The following SLC30A8 variants were observed in gnomAD, a reference collection of about 807,000 sequenced individuals.
The protein encoded by SLC30A8 is solute carrier family 30 member 8.
Under a neutral mutation model 36.9 loss-of-function variants are expected in SLC30A8, and 27 were observed. The observed-to-expected ratio is 0.73, with a 90% CI of 0.54 to 1.01. The LOEUF (loss-of-function observed/expected upper bound fraction) is 1.01, where lower values mean the gene tolerates loss of function less well. Among genes scored for constraint, SLC30A8 ranks in the 50% least tolerant of loss-of-function variants. The pLI is 0.00. For missense variants in SLC30A8, 439 were observed against 452.0 expected (o/e 0.97, Z 0.26); for synonymous variants, 164 against 172.4 (o/e 0.95, Z 0.38).
chr8:116,995,984 C>G (rs987486857), intron 1 of SLC30A8, among the ~76,000 whole-genome samples: 8 of 152,166 alleles, frequency 5.3e-5, no homozygotes, highest in African/African-American at 1.9e-4. Flanking sequence ...GTAAAATCCC[C>G]GGTAAGCCTT....
chr8:116,955,288 G>T (rs556113731), intron 1 of SLC30A8, among the ~76,000 whole-genome samples: 17 of 152,290 alleles, frequency 1.1e-4, no homozygotes, highest in Admixed American at 2.6e-4. Flanking sequence ...CCCTAAATCT[G>T]ATGACTAGTG....
chr8:117,045,350 A>G (rs2130763473), intron 2 of SLC30A8, among the ~76,000 whole-genome samples: 1 of 152,292 alleles, frequency 6.6e-6, no homozygotes, highest in East Asian at 1.9e-4. Context: ...CGTACTTGAA[A>G]GGTTTTTTAT....
intron 2 of SLC30A8, among the ~76,000 whole-genome samples, chr8:117,041,088 A>G (rs1349522945): frequency 2.6e-5 from 4 of 152,202 alleles, no homozygotes; most frequent in African/African-American, 9.7e-5. Flanking sequence ...CGCGGTGCCA[A>G]ACCAAACAGT....
At chr8:117,017,506 G>T (rs1325956220) in intron 1 of SLC30A8, among the ~76,000 whole-genome samples, 2 of 152,186 alleles carry the variant, frequency 1.3e-5, no homozygotes, top group Non-Finnish European at 2.9e-5. Flanking sequence ...CATAGTTTTT[G>T]GCCCAATAGA....
chr8:117,053,017 C>T (rs1323078343), intron 2 of SLC30A8, among the ~76,000 whole-genome samples: 1 of 151,812 alleles, frequency 6.6e-6, no homozygotes, highest in Non-Finnish European at 1.5e-5. Flanking sequence ...AACGATTCTT[C>T]TGCCTCAGGC....
At chr8:117,118,397 A>G (rs1820545843) in intron 2 of SLC30A8, among the ~76,000 whole-genome samples, 1 of 151,960 alleles carries the variant, frequency 6.6e-6, no homozygotes, top group South Asian at 2.1e-4. Flanking sequence ...AACTCTATAA[A>G]GAGATTTGAT....
chr8:116,956,596 A>G (rs1330430663), intron 1 of SLC30A8, among the ~76,000 whole-genome samples: 1 of 152,228 alleles, frequency 6.6e-6, no homozygotes, highest in Non-Finnish European at 1.5e-5. Flanking sequence ...GTATATCTAT[A>G]TAATAGAAAT....
At chr8:117,018,575 T>C (rs985333477) in intron 1 of SLC30A8, among the ~76,000 whole-genome samples, 3 of 152,028 alleles carry the variant, frequency 2.0e-5, no homozygotes, top group East Asian at 3.9e-4. Context: ...GTTGGATAGC[T>C]ACACTGTGTT....
chr8:117,076,306 T>G lies in SLC30A8; in HGVS notation c.-226+37048T>G, dbSNP rs1818485721. ...TAAATGTCTAAAGAGGAGAAGTCTATTTTTCTGTATTTACTGAAATTGAAG... is the reference window on the plus strand; with the variant it reads ...TAAATGTCTAAAGAGGAGAAGTCTAGTTTTCTGTATTTACTGAAATTGAAG... On this transcript the variant is annotated intron_variant, in intron 2 of 10. Transcript: ENST00000427715. Among the ~76,000 whole-genome samples the G allele has an allele frequency of 2.0e-5, 3 of 152,332 alleles. No individual in the cohort carries two copies. The South Asian group carries it at 6.2e-4, about 32-fold the overall frequency.
rs776072348 is a variant in SLC30A8 at position 117,172,553 on chromosome 8, C to A, written c.982C>A (p.Gln328Lys). 1.9e-6 allele frequency: 3 copies of A among 1,613,538 alleles called. No homozygotes were observed. Among genetic ancestry groups the A allele is most frequent in the Non-Finnish European group, 2.5e-6 (3 of 1,179,692 alleles). The change falls in exon 8 of 8, where the codon CAA (glutamine) becomes AAA (lysine). Residue 328 changes from glutamine (Q) to lysine (K), a missense_variant. Physicochemically the swap from Gln to Lys is moderately conservative, Grantham distance 53. Transcript: ENST00000456015. ...HVATAASRDS[Q>K]VVRREIAKAL... Reference sequence around the variant, plus strand: ...ATCAACAGCAGCCAGCCGGGACAGCCAAGTGGTTCGGAGAGAAATTGCTAA... The same window carrying A: ...ATCAACAGCAGCCAGCCGGGACAGCAAAGTGGTTCGGAGAGAAATTGCTAA...
chr8:117,082,327 A>G (rs893720122), intron 2 of SLC30A8, among the ~76,000 whole-genome samples: 1 of 152,226 alleles, frequency 6.6e-6, no homozygotes, highest in Non-Finnish European at 1.5e-5. Flanking sequence ...ATGTGTATAT[A>G]CAGAGACAGC....
intron 1 of SLC30A8, among the ~76,000 whole-genome samples, chr8:116,965,815 C>G (rs1373185177): frequency 6.6e-6 from 1 of 151,972 alleles, no homozygotes; most frequent in African/African-American, 2.4e-5. Context: ...TGACATTAAC[C>G]TGTTTTTTTG....
chr8:117,123,636 T>G (rs111814684), intron 2 of SLC30A8, among the ~76,000 whole-genome samples: 350 of 152,176 alleles, frequency 2.3e-3, no homozygotes, highest in African/African-American at 8.2e-3. Flanking sequence ...TTTTAACAGC[T>G]TTTATGAGGT....
intron 2 of SLC30A8, among the ~76,000 whole-genome samples, chr8:117,066,788 C>T (rs913461471): frequency 6.6e-6 from 1 of 152,052 alleles, no homozygotes; most frequent in Non-Finnish European, 1.5e-5. Flanking sequence ...CAGGCATCAT[C>T]TCCTGAAGCC....
chr8:117,002,365 C>A (rs1424483365), intron 1 of SLC30A8, among the ~76,000 whole-genome samples: 1 of 152,064 alleles, frequency 6.6e-6, no homozygotes, highest in East Asian at 1.9e-4. Context: ...AATTACATGC[C>A]TTAAGTTGAC....
At chr8:117,164,947 AGCTTACT>A (rs1185372491) in intron 6 of SLC30A8, among the ~76,000 whole-genome samples, 3 of 152,180 alleles carry the variant, frequency 2.0e-5, no homozygotes, top group Admixed American at 1.3e-4. Flanking sequence ...TTATGCCTAA[AGCTTACT>A]GCCTGCCTCC....
chr8:117,122,309 G>A (rs1296683952), intron 2 of SLC30A8, among the ~76,000 whole-genome samples: 1 of 151,972 alleles, frequency 6.6e-6, no homozygotes, highest in Non-Finnish European at 1.5e-5. Flanking sequence ...AGCTTATGAA[G>A]TGTTAGGCAC....
intron 2 of SLC30A8, among the ~76,000 whole-genome samples, chr8:117,098,847 A>G (rs1294212628): frequency 6.6e-6 from 1 of 152,176 alleles, no homozygotes; most frequent in East Asian, 1.9e-4. Flanking sequence ...TGGGGTGGAT[A>G]GTTAGCTTCT....
At chr8:117,028,550 G>GTTTTTTTTTTTTT (rs57593485) in intron 1 of SLC30A8, among the ~76,000 whole-genome samples, 1 of 144,222 alleles carries the variant, frequency 6.9e-6, no homozygotes. Flanking sequence ...TCTCACCACA[G>GTTTTTTTTTTTTT]TTTTTTTTTT....
Sources: allele counts gnomAD v4.1 joint callset (sites outside exome capture counted in the v4.1 genomes callset), GRCh38; gene constraint gnomAD v4.1.1; transcripts MANE v1.5; gene names NCBI Gene and HGNC (gene_info 2026-07-23, HGNC 2026-07-21).